The following FAM47E variants were observed in gnomAD, a reference collection of about 807,000 sequenced individuals.
The protein encoded by FAM47E is protein FAM47E.
FAM47E carries 32 observed loss-of-function variants against 41.6 expected under a neutral mutation model. That is an observed-to-expected ratio of 0.77 (90% CI 0.58 to 1.03). The LOEUF (loss-of-function observed/expected upper bound fraction) is 1.03. FAM47E is among the 50% of genes least tolerant of loss of function. The pLI, the probability that FAM47E is intolerant of heterozygous loss-of-function variation, is 0.00. For synonymous variants in FAM47E, 184 were observed against 188.7 expected (o/e 0.98, Z 0.20); for missense variants, 424 against 485.4 (o/e 0.87, Z 1.19).
chr4:76,231,913 G>A (rs984991455), intron 2 of FAM47E, among the ~76,000 whole-genome samples: 2 of 152,172 alleles, frequency 1.3e-5, no homozygotes, highest in East Asian at 3.8e-4. Context: ...AGTCAAGATT[G>A]ACTCCTTAAA....
At chr4:76,253,259 T>C (rs1161082319) in intron 1 of FAM47E, among the ~76,000 whole-genome samples, 1 of 147,296 alleles carries the variant, frequency 6.8e-6, no homozygotes, top group East Asian at 2.1e-4. Flanking sequence ...AGTTTGTTTA[T>C]CCATTCACTT....
intron 2 of FAM47E, among the ~76,000 whole-genome samples, chr4:76,257,042 C>T (rs1481222861): frequency 6.6e-6 from 1 of 152,148 alleles, no homozygotes; most frequent in Non-Finnish European, 1.5e-5. Flanking sequence ...TGTCCCAGGC[C>T]TCTCCTGACT....
At chr4:76,278,045 T>G in intron 5 of FAM47E, 24 bp from the exon 6 acceptor site, 1 of 1,456,052 alleles carries the variant, frequency 6.9e-7, no homozygotes, top group Non-Finnish European at 9.1e-7. Context: ...TCAATGGCAC[T>G]GGGAATTATG....
chr4:76,255,724 G>A (rs1196668874), intron 1 of FAM47E, among the ~76,000 whole-genome samples: 1 of 152,084 alleles, frequency 6.6e-6, no homozygotes, highest in African/African-American at 2.4e-5. Context: ...GGCGGCAGTT[G>A]GAATAATGAA....
intron 2 of FAM47E, among the ~76,000 whole-genome samples, chr4:76,258,824 G>A (rs977529438): frequency 7.2e-5 from 11 of 152,200 alleles, no homozygotes; most frequent in Admixed American, 6.5e-4. Context: ...TAGTTGCATC[G>A]TGGTAGGTGG....
intron 2 of FAM47E, among the ~76,000 whole-genome samples, chr4:76,218,137 G>GCCCT (rs1733246497): frequency 6.6e-6 from 1 of 152,188 alleles, no homozygotes; most frequent in East Asian, 1.9e-4. Flanking sequence ...AATGGAAATG[G>GCCCT]CCCTAGGCCT....
At chr4:76,216,809 T>C (rs763347765) in intron 1 of FAM47E, among the ~76,000 whole-genome samples, 34 of 152,218 alleles carry the variant, frequency 2.2e-4, no homozygotes, top group Non-Finnish European at 3.8e-4. Flanking sequence ...TTTTTAAATG[T>C]GTTAACATAA....
At chr4:76,260,040 A>G (rs1734343387) in intron 2 of FAM47E, among the ~76,000 whole-genome samples, 1 of 152,220 alleles carries the variant, frequency 6.6e-6, no homozygotes, top group Non-Finnish European at 1.5e-5. Context: ...GGAACTACAA[A>G]ACACTGATGA....
intron 2 of FAM47E, among the ~76,000 whole-genome samples, chr4:76,221,653 A>C (rs935782480): frequency 3.9e-5 from 6 of 152,208 alleles, no homozygotes. Flanking sequence ...CTACTGCAAA[A>C]ACAGAGAAAA....
intron 2 of FAM47E, among the ~76,000 whole-genome samples, chr4:76,232,102 A>G (rs1283646386): frequency 6.6e-6 from 1 of 152,242 alleles, no homozygotes; most frequent in South Asian, 2.1e-4. Context: ...AGAAACAAAC[A>G]TGCTTCAAAT....
chr4:76,230,147 A>G (rs79580103), intron 2 of FAM47E, among the ~76,000 whole-genome samples: 8,923 of 152,168 alleles, frequency 0.059, 280 homozygotes, highest in Middle Eastern at 0.088. Context: ...AAAAACCATG[A>G]GGTGGGTGCA....
upstream of FAM47E, among the ~76,000 whole-genome samples, chr4:76,250,600 A>C (rs569255017): frequency 6.6e-6 from 1 of 152,324 alleles, no homozygotes; most frequent in South Asian, 2.1e-4. Context: ...TCATTCCTGC[A>C]GGACTCCATT....
At chr4:76,224,844 C>A (rs1298551860) in intron 2 of FAM47E, among the ~76,000 whole-genome samples, 2 of 151,954 alleles carry the variant, frequency 1.3e-5, no homozygotes, top group African/African-American at 4.8e-5. Context: ...TTTTGGTGCA[C>A]ACATCACCCA....
rs919364352 is a variant in FAM47E, at chr4:76,251,762, C to T, written c.16C>T (p.Arg6Trp). The change falls in exon 1 of 8, where the codon CGG becomes TGG. Residue 6 changes from arginine to tryptophan, a missense_variant. Transcript: ENST00000424749. MADRR[R>W]RLRPGTLAPV... ...TAGGGCCACCATGGCGGACCGCAGG[C>T]GGCGGCTCCGGCCGGGGACGTTGGC... is the stretch of plus-strand genomic sequence containing the variant. 9 of 1,486,240 alleles carry T rather than the reference C, an allele frequency of 6.1e-6. No individual in the cohort carries two copies. The highest frequency in any genetic ancestry group is 2.9e-5 in the African/African-American group (2 of 68,424). The allele number at this position is 1,486,240 out of a possible 1,614,324, so 92.1% of individuals were successfully genotyped here.
rs1421472109 is a variant in FAM47E, at chr4:76,220,169, CA to C, written c.81+2485del. 2.6e-5 allele frequency among the ~76,000 whole-genome samples: 4 copies of C among 152,144 alleles called. No individual in the cohort carries two copies. In the East Asian group the frequency reaches 7.7e-4, roughly 29 times the overall value. On this transcript the variant is annotated intron_variant, in intron 2 of 7. Transcript: ENST00000510197. The stretch of plus-strand genomic sequence containing the variant: ...ACTCTCTTCCTAGGTATATAACCCC[CA>C]AAATTGAAGACAGGTACTCAAACAA...
intron 2 of FAM47E, among the ~76,000 whole-genome samples, chr4:76,245,807 A>G (rs771092550): frequency 7.2e-5 from 11 of 152,144 alleles, no homozygotes; most frequent in Non-Finnish European, 1.2e-4. Context: ...TGTCTAGCCT[A>G]TTGCAGATGG....
At chr4:76,247,900 C>G (rs1358403274), upstream of FAM47E, among the ~76,000 whole-genome samples, 3 of 126,972 alleles carry the variant, frequency 2.4e-5, no homozygotes, top group Admixed American at 2.6e-4. Context: ...GTTATCTTTT[C>G]ACTCTCTCTC....
intron 1 of FAM47E, among the ~76,000 whole-genome samples, chr4:76,217,327 G>C (rs1357120384): frequency 6.6e-6 from 1 of 152,200 alleles, no homozygotes; most frequent in African/African-American, 2.4e-5. Context: ...TGACTTCTCT[G>C]CTATGGTTTG....
chr4:76,251,771 C>G lies in FAM47E; in HGVS notation c.25C>G (p.Arg9Gly), dbSNP rs1342604061. Residue 9 changes from arginine (R) to glycine (G), a missense_variant, in exon 1 of 8, where the codon CGG (arginine) becomes GGG (glycine). Coordinates refer to ENST00000424749, the MANE Select transcript of FAM47E (RefSeq NM_001136570.3). Reference sequence around the variant, plus strand: ...CATGGCGGACCGCAGGCGGCGGCTCCGGCCGGGGACGTTGGCCCCGGTGCG... The same window carrying G: ...CATGGCGGACCGCAGGCGGCGGCTCGGGCCGGGGACGTTGGCCCCGGTGCG... MADRRRRL[R>G]PGTLAPVREG... is the part of the protein sequence containing the mutation. The G allele has an allele frequency of 3.4e-6, 5 of 1,487,436 alleles. No homozygotes were observed. The highest frequency in any genetic ancestry group is 2.2e-5 in the Admixed American group (1 of 45,506). The allele number at this position is 1,487,436 out of a possible 1,614,324, so 92.1% of individuals were successfully genotyped here. A position where few individuals can be genotyped will look rare whatever the true frequency, so the allele number is the denominator to read the frequency against.
Sources: allele counts gnomAD v4.1 joint callset (sites outside exome capture counted in the v4.1 genomes callset), GRCh38; gene constraint gnomAD v4.1.1; transcripts MANE v1.5; gene names NCBI Gene and HGNC (gene_info 2026-07-23, HGNC 2026-07-21).